Variants in ADAM10 observed in about 807,000 individuals in gnomAD.
ADAM10 encodes disintegrin and metalloproteinase domain-containing protein 10.
In ADAM10, 17 loss-of-function variants were observed where a neutral mutation model predicts 90.1. The observed-to-expected ratio is 0.19, with a 90% CI of 0.13 to 0.28. The LOEUF is 0.28. ADAM10 is among the 10% of genes least tolerant of loss of function. The pLI, the probability that ADAM10 is intolerant of heterozygous loss-of-function variation, is 1.00. For missense variants in ADAM10, 610 were observed against 914.3 expected, an observed-to-expected ratio of 0.67 and a Z score of 4.29; for synonymous variants, 310 against 298.6, an observed-to-expected ratio of 1.04 and a Z score of -0.40.
At chr15:58,740,160 C>T (rs546990055) in intron 1 of ADAM10, among the ~76,000 whole-genome samples, 4 of 152,220 alleles carry the variant, frequency 2.6e-5, no homozygotes, top group African/African-American at 4.8e-5. Context: ...TGCCTGTAAT[C>T]CCAAAACTTT....
chr15:58,720,242 C>T (rs947812247), intron 1 of ADAM10, among the ~76,000 whole-genome samples: 2 of 152,176 alleles, frequency 1.3e-5, no homozygotes, highest in Admixed American at 1.3e-4. Flanking sequence ...GAGTTACTTC[C>T]TTCTCCTCTT....
chr15:58,607,853 C>T (rs1423010766), intron 14 of ADAM10, among the ~76,000 whole-genome samples: 1 of 152,038 alleles, frequency 6.6e-6, no homozygotes, highest in Non-Finnish European at 1.5e-5. Context: ...ATGAAAGATA[C>T]AGAAAATCAG....
chr15:58,645,961 A>G, intron 6 of ADAM10, 94 bp downstream of exon 6: 2 of 1,397,890 alleles, frequency 1.4e-6, no homozygotes, highest in Non-Finnish European at 2.0e-6. Context: ...ACTTTTTCCC[A>G]AAAAGAGAAT....
chr15:58,614,062 C>T (rs766288114), intron 11 of ADAM10, among the ~76,000 whole-genome samples: 2 of 152,192 alleles, frequency 1.3e-5, no homozygotes, highest in Non-Finnish European at 2.9e-5. Flanking sequence ...AATCCCAACA[C>T]TTTGGGAGGC....
chr15:58,642,225 G>C (rs544128795), intron 7 of ADAM10, among the ~76,000 whole-genome samples: 1 of 152,300 alleles, frequency 6.6e-6, no homozygotes, highest in African/African-American at 2.4e-5. Context: ...CCAGCACTTT[G>C]GGAGGCCGAG....
chr15:58,666,511 A>C (rs1897085877), intron 4 of ADAM10, among the ~76,000 whole-genome samples: 1 of 151,892 alleles, frequency 6.6e-6, no homozygotes, highest in Non-Finnish European at 1.5e-5. Context: ...GCTTTGCCAC[A>C]CCAGTAAGTG....
chr15:58,616,078 A>AT (rs1472254382), intron 11 of ADAM10, among the ~76,000 whole-genome samples: 1 of 152,196 alleles, frequency 6.6e-6, no homozygotes, highest in Non-Finnish European at 1.5e-5. Context: ...CAGCAAAGGG[A>AT]TATAACAATT....
chr15:58,652,622 T>C (rs1896717789), intron 5 of ADAM10, among the ~76,000 whole-genome samples: 1 of 152,150 alleles, frequency 6.6e-6, no homozygotes, highest in African/African-American at 2.4e-5. Context: ...CAGTACCATG[T>C]TGTTTGGTTA....
intron 5 of ADAM10, among the ~76,000 whole-genome samples, chr15:58,659,444 C>T (rs570755111): frequency 1.1e-4 from 17 of 151,976 alleles, no homozygotes; most frequent in Admixed American, 1.3e-4. Flanking sequence ...TTTGGCAATG[C>T]TTTTTTACTA....
chr15:58,697,033 C>T (rs536120736), intron 2 of ADAM10, among the ~76,000 whole-genome samples: 7 of 152,286 alleles, frequency 4.6e-5, no homozygotes, highest in South Asian at 2.1e-4. Flanking sequence ...AAAGTGTAAA[C>T]CACTGGCAGC....
chr15:58,702,057 G>A (rs1898149617), intron 2 of ADAM10, among the ~76,000 whole-genome samples: 2 of 152,088 alleles, frequency 1.3e-5, no homozygotes, highest in South Asian at 4.2e-4. Flanking sequence ...AGTGAGCCGA[G>A]ATCGCACCAT....
intron 2 of ADAM10, among the ~76,000 whole-genome samples, chr15:58,695,825 A>G (rs1897962591): frequency 6.6e-6 from 1 of 152,140 alleles, no homozygotes. Flanking sequence ...TATTACAAAT[A>G]TAAAAATTAA....
At position 58,589,975 on chromosome 15, in the gene ADAM10, T is replaced by G. The variant is rs28417700; in HGVS notation, c.*7572A>C. ...GCAAAGCAAAAAATGAAAAAACATT[T>G]AAAAAAATAAAGGAATCTGAATGAC... is the stretch of plus-strand genomic sequence containing the variant. On this transcript the variant is annotated 3_prime_UTR_variant, in exon 16 of 16. Coordinates refer to ENST00000260408, the MANE Select transcript of ADAM10 (RefSeq NM_001110.4). The G allele has an allele frequency of 6.6e-6, 1 of 151,904 alleles. No individual in the cohort carries two copies. Among genetic ancestry groups the G allele is most frequent in the Non-Finnish European group, 1.5e-5 (1 of 67,996 alleles). 9.4% of individuals were successfully genotyped at this position (151,904 alleles called of 1,614,324 possible).
At chr15:58,608,325 A>G (rs953654095) in intron 14 of ADAM10, among the ~76,000 whole-genome samples, 10 of 152,202 alleles carry the variant, frequency 6.6e-5, no homozygotes, top group Non-Finnish European at 7.4e-5. Flanking sequence ...CTTACACAAG[A>G]GCATCCTGAT....
chr15:58,745,786 G>T (rs980896243), intron 1 of ADAM10, among the ~76,000 whole-genome samples: 1 of 152,060 alleles, frequency 6.6e-6, no homozygotes, highest in Non-Finnish European at 1.5e-5. Flanking sequence ...GGAATGATGG[G>T]GACTGCAGTA....
At chr15:58,723,783 C>T (rs1201614847) in intron 1 of ADAM10, among the ~76,000 whole-genome samples, 1 of 151,858 alleles carries the variant, frequency 6.6e-6, no homozygotes, top group African/African-American at 2.4e-5. Context: ...AAGAGACACA[C>T]AACCATGAAC....
intron 2 of ADAM10, among the ~76,000 whole-genome samples, chr15:58,701,243 T>A (rs543791609): frequency 6.6e-6 from 1 of 150,998 alleles, no homozygotes; most frequent in South Asian, 2.1e-4. Flanking sequence ...CTCAATAGTT[T>A]AAAAAAAAAT....
chr15:58,687,191 T>C (rs1897625612), intron 2 of ADAM10, among the ~76,000 whole-genome samples: 1 of 152,228 alleles, frequency 6.6e-6, no homozygotes, highest in African/African-American at 2.4e-5. Context: ...GTTTTATTTT[T>C]AACACTAATT....
intron 1 of ADAM10, among the ~76,000 whole-genome samples, chr15:58,735,225 G>A (rs149554686): frequency 1.3e-5 from 2 of 152,124 alleles, no homozygotes; most frequent in East Asian, 3.9e-4. Flanking sequence ...CTGCCTAATC[G>A]TTTACTCCGA....
Sources: gnomAD v4.1 joint callset for allele counts (sites outside exome capture counted in the v4.1 genomes callset) on GRCh38, gnomAD v4.1.1 for gene constraint, MANE v1.5 for transcripts, NCBI Gene and HGNC (gene_info 2026-07-23, HGNC 2026-07-21) for gene names.